BRCA2: variants seen among roughly 807,000 people sequenced by gnomAD.
The protein encoded by BRCA2 is BRCA2 DNA repair associated, also known as breast cancer type 2 susceptibility protein.
Under a neutral mutation model 276.7 loss-of-function variants are expected in BRCA2, and 203 were observed. The ratio of observed to expected loss-of-function variants is 0.73; its 90% CI spans 0.65 to 0.82. The LOEUF (loss-of-function observed/expected upper bound fraction) is 0.82, where lower values mean the gene tolerates loss of function less well. Ranked by LOEUF, BRCA2 falls within the 40% of genes least tolerant of loss-of-function variation. The pLI, the probability that BRCA2 is intolerant of heterozygous loss-of-function variation, is 0.00. For missense variants in BRCA2, 3,920 were observed against 3,915.0 expected, an observed-to-expected ratio of 1.00 and a Z score of -0.03; for synonymous variants, 1,289 against 1,338.4, an observed-to-expected ratio of 0.96 and a Z score of 0.81.
At chr13:32,331,253 T>C (rs2072389806) in intron 9 of BRCA2, among the ~76,000 whole-genome samples, 1 of 152,246 alleles carries the variant, frequency 6.6e-6, no homozygotes, top group South Asian at 2.1e-4. Context: ...CATTTCACCA[T>C]GTTGGCCAGG....
At chr13:32,362,417 A>T in intron 16 of BRCA2, 106 bp from the exon 17 acceptor site, 1 of 1,093,318 alleles carries the variant, frequency 9.1e-7, no homozygotes, top group Non-Finnish European at 1.4e-6. Flanking sequence ...ATAAAAACTT[A>T]ATGATCTTGA....
Position 32,344,621 on chromosome 13 carries a change from A to T in BRCA2, c.6905A>T (p.Lys2302Ile), listed in dbSNP as rs1212600749. 1.3e-6 allele frequency: 2 copies of T among 1,583,206 alleles called. No individual in the cohort carries two copies. The highest frequency in any genetic ancestry group is 2.2e-5 in the South Asian group (2 of 90,376). Residue 2302 changes from lysine (K) to isoleucine (I), a missense_variant, in exon 12 of 27, where the codon AAA (lysine) becomes ATA (isoleucine). By Grantham distance (102) the Lys-to-Ile change is moderately radical. Transcript: ENST00000380152. ...EFDRIIENQE[K>I]SLKASKSTPD... ...GACAGGATAATAGAAAATCAAGAAA[A>T]ATCCTTAAAGGCTTCAAAAAGCACT...
Position 32,336,388 on chromosome 13 carries a change from A to G in BRCA2, c.2033A>G (p.Asn678Ser). The change falls in exon 11 of 27, where the codon AAT (asparagine) becomes AGT (serine). Residue 678 changes from asparagine (N) to serine (S), a missense_variant. Asn to Ser is a conservative substitution (Grantham distance 46). Coordinates refer to ENST00000380152, the MANE Select transcript of BRCA2 (RefSeq NM_000059.4). Reference protein sequence around the residue: ...RKCSRNETCSNNTVISQDLDY... With the variant: ...RKCSRNETCSSNTVISQDLDY... ...TGTTCTAGAAATGAAACATGTTCTA[A>G]TAATACAGTAATCTCTCAGGATCTT... 6.2e-7 allele frequency: 1 copy of G among 1,612,816 alleles called. No individual in the cohort carries two copies. The highest frequency in any genetic ancestry group is 1.1e-5 in the South Asian group (1 of 90,712).
intron 2 of BRCA2, among the ~76,000 whole-genome samples, chr13:32,316,822 A>G (rs1411496458): frequency 6.6e-6 from 1 of 152,246 alleles, no homozygotes; most frequent in Non-Finnish European, 1.5e-5. Flanking sequence ...TTTTGGTTTC[A>G]GTACTCCTTA....
rs80358840 is a variant in BRCA2 at position 32,340,392 on chromosome 13, A to G, written c.6037A>G (p.Lys2013Glu). ...IEDSTKQVFS[K>E]VLFKSNEHSD... Reference sequence around the variant, plus strand: ...AGATAGTACCAAGCAAGTCTTTTCCAAAGTATTGTTTAAAAGTAACGAACA... The same window carrying G: ...AGATAGTACCAAGCAAGTCTTTTCCGAAGTATTGTTTAAAAGTAACGAACA... The change falls in exon 11 of 27, where the codon AAA (lysine) becomes GAA (glutamate). Residue 2013 changes from lysine (K) to glutamate (E), a missense_variant. By Grantham distance (56) the Lys-to-Glu change is moderately conservative. Transcript: ENST00000380152. 2.5e-6 allele frequency: 4 copies of G among 1,613,762 alleles called. No individual in the cohort carries two copies. Among genetic ancestry groups the G allele is most frequent in the Non-Finnish European group, 3.4e-6 (4 of 1,179,818 alleles).
At chr13:32,376,611 A>T (rs2137611980) in intron 20 of BRCA2, 59 bp from the exon 21 acceptor site, 1 of 1,570,070 alleles carries the variant, frequency 6.4e-7, no homozygotes, top group Non-Finnish European at 8.7e-7. Flanking sequence ...TTGGTTCTTT[A>T]GTTTTAGTTG....
chr13:32,396,832 T>C, intron 25 of BRCA2, 66 bp from the exon 26 acceptor site: 2 of 1,587,562 alleles, frequency 1.3e-6, no homozygotes, highest in Non-Finnish European at 1.7e-6. Context: ...TTAAAGGAAA[T>C]ACTTTTGGAA....
rs1001614865 is a variant in BRCA2, at chr13:32,333,453, T to C, written c.1909+66T>C. On this transcript the variant is annotated intron_variant, in intron 10 of 26. Transcript: ENST00000380152. ...TTTATAGATGACGATTCCTTCTGTG[T>C]TTTTTTCTGCTTTTTAAAATCTTCA... 7.2e-6 allele frequency: 11 copies of C among 1,522,386 alleles called. No homozygotes were observed. In the Admixed American group the frequency reaches 2.1e-4, roughly 29 times the overall value. 94.3% of individuals were successfully genotyped at this position (1,522,386 alleles called of 1,614,324 possible).
At chr13:32,358,066 G>T in intron 16 of BRCA2, 137 bp downstream of exon 16, 1 of 887,270 alleles carries the variant, frequency 1.1e-6, no homozygotes, top group South Asian at 1.5e-5. Flanking sequence ...GTGCATTATG[G>T]TTAAGCATTC....
At chr13:32,343,722 A>G (rs887643421) in intron 11 of BRCA2, among the ~76,000 whole-genome samples, 1 of 152,084 alleles carries the variant, frequency 6.6e-6, no homozygotes, top group Non-Finnish European at 1.5e-5. Context: ...AAAAAAAACA[A>G]TAACTCAGAC....
chr13:32,356,682 A>G (rs2137564131), intron 15 of BRCA2, 73 bp downstream of exon 15: 6 of 1,514,286 alleles, frequency 4.0e-6, no homozygotes, highest in African/African-American at 1.4e-5. Context: ...AGTATCTACA[A>G]ATGGCTTTGT....
chr13:32,342,620 G>C (rs1210301605), intron 11 of BRCA2, among the ~76,000 whole-genome samples: 7 of 152,126 alleles, frequency 4.6e-5, no homozygotes. Context: ...TAGGCTGTAT[G>C]GTATAGCTTA....
chr13:32,375,138 C>T lies in BRCA2; in HGVS notation c.8633-1532C>T, dbSNP rs190322025. On this transcript the variant is annotated intron_variant, in intron 20 of 26. Coordinates refer to ENST00000380152, the MANE Select transcript of BRCA2 (RefSeq NM_000059.4). ...CATGGAACAGCATGGGAGAAACTGC[C>T]CCCGTGATCCAGTTACCTCCCACCA... Among the ~76,000 whole-genome samples, 8 of 152,310 alleles carry T rather than the reference C, an allele frequency of 5.3e-5. No individual in the cohort carries two copies. In the East Asian group the frequency reaches 5.8e-4, roughly 11 times the overall value.
chr13:32,319,009 T>C, intron 2 of BRCA2, 68 bp from the exon 3 acceptor site: 3 of 1,586,168 alleles, frequency 1.9e-6, no homozygotes, highest in Non-Finnish European at 2.6e-6. Flanking sequence ...TTATGATCTT[T>C]AACTGTTCTG....
intron 16 of BRCA2, among the ~76,000 whole-genome samples, chr13:32,361,130 T>A (rs1593923137): frequency 6.6e-6 from 1 of 152,282 alleles, no homozygotes; most frequent in South Asian, 2.1e-4. Context: ...GGCATATAGA[T>A]GGACTTGAAG....
In BRCA2 at chr13:32,358,436, A is replaced by G. The variant is rs567772904; in HGVS notation, c.7805+507A>G. Reference sequence around the variant, plus strand: ...GGTTGCAGTGAGCCAAGATTGAGCCACTGCACTCCAGGCTGGGCGATAAGA... The same window carrying G: ...GGTTGCAGTGAGCCAAGATTGAGCCGCTGCACTCCAGGCTGGGCGATAAGA... On this transcript the variant is annotated intron_variant, in intron 16 of 26. Transcript: ENST00000380152. Among the ~76,000 whole-genome samples the G allele has an allele frequency of 1.8e-3, 267 of 150,234 alleles. 1 individual carries two copies. Among genetic ancestry groups the G allele is most frequent in the African/African-American group, 6.3e-3 (256 of 40,830 alleles).
At chr13:32,352,762 T>C (rs1026042091) in intron 13 of BRCA2, among the ~76,000 whole-genome samples, 13 of 152,170 alleles carry the variant, frequency 8.5e-5, no homozygotes, top group African/African-American at 2.7e-4. Flanking sequence ...AAGATTGGTG[T>C]TTTAGAAGTA....
intron 20 of BRCA2, among the ~76,000 whole-genome samples, chr13:32,373,441 G>A (rs2137605751): frequency 6.6e-6 from 1 of 151,902 alleles, no homozygotes; most frequent in East Asian, 2.0e-4. Context: ...AGGAGGCAGA[G>A]ATTGCAGTAA....
rs1483187442 is a variant in BRCA2, at chr13:32,362,599, A to G, written c.7882A>G (p.Ile2628Val). The part of the protein sequence containing the change: ...IWVYNHYRWI[I>V]WKLAAMECAF... ...GGTTTATAATCACTATAGATGGATCATATGGAAACTGGCAGCTATGGAATG... is the reference window on the plus strand; with the variant it reads ...GGTTTATAATCACTATAGATGGATCGTATGGAAACTGGCAGCTATGGAATG... The change falls in exon 17 of 27, where the codon ATA (isoleucine) becomes GTA (valine). Residue 2628 changes from isoleucine to valine, a missense_variant. Physicochemically the swap from Ile to Val is conservative, Grantham distance 29 (BLOSUM62 3). Transcript: ENST00000380152. 3 of 1,614,096 alleles carry G rather than the reference A, an allele frequency of 1.9e-6. No homozygotes were observed. Among genetic ancestry groups the G allele is most frequent in the African/African-American group, 2.7e-5 (2 of 74,946 alleles).
Sources: allele counts gnomAD v4.1 joint callset (sites outside exome capture counted in the v4.1 genomes callset), GRCh38; gene constraint gnomAD v4.1.1; transcripts MANE v1.5; gene names NCBI Gene and HGNC (gene_info 2026-07-23, HGNC 2026-07-21).